The following CCNY variants were observed in gnomAD, a reference collection of about 807,000 sequenced individuals.
The protein encoded by CCNY is cyclin-Y.
A neutral mutation model predicts 42.8 loss-of-function variants in CCNY; 19 were observed. That is an observed-to-expected ratio of 0.44 (90% CI 0.31 to 0.65). The LOEUF (loss-of-function observed/expected upper bound fraction) is 0.65. CCNY is among the 30% of genes least tolerant of loss of function. CCNY has a pLI of 0.07. For missense variants in CCNY, 370 were observed against 437.3 expected (o/e 0.85, Z 1.37); for synonymous variants, 165 against 162.7 (o/e 1.01, Z -0.11).
chr10:35,304,191 A>G (rs1835573652), intron 3 of CCNY, among the ~76,000 whole-genome samples: 1 of 152,228 alleles, frequency 6.6e-6, no homozygotes, highest in Non-Finnish European at 1.5e-5. Flanking sequence ...CAGGTAGGTT[A>G]GAAATGGATT....
intron 8 of CCNY, among the ~76,000 whole-genome samples, chr10:35,563,111 C>T (rs1841498480): frequency 6.6e-6 from 1 of 152,086 alleles, no homozygotes; most frequent in South Asian, 2.1e-4. Flanking sequence ...TAATTTATCA[C>T]ATAGCAAGCT....
intron 2 of CCNY, among the ~76,000 whole-genome samples, chr10:35,495,639 A>G (rs534563808): frequency 2.4e-4 from 37 of 152,328 alleles, no homozygotes; most frequent in African/African-American, 8.2e-4. Flanking sequence ...CAGGTCCTGG[A>G]CAGTTCAGAG....
chr10:35,291,341 G>A (rs1389531013), intron 3 of CCNY, among the ~76,000 whole-genome samples: 1 of 151,840 alleles, frequency 6.6e-6, no homozygotes, highest in Non-Finnish European at 1.5e-5. Context: ...CTTTCACTTA[G>A]CATGATGTTT....
chr10:35,294,081 C>T (rs1031039675), intron 3 of CCNY, among the ~76,000 whole-genome samples: 1 of 152,162 alleles, frequency 6.6e-6, no homozygotes, highest in African/African-American at 2.4e-5. Context: ...TGAGCCACTG[C>T]GTCTGGCACA....
chr10:35,474,993 G>A (rs541887056), intron 1 of CCNY, among the ~76,000 whole-genome samples: 4 of 152,298 alleles, frequency 2.6e-5, no homozygotes, highest in Admixed American at 2.6e-4. Context: ...AGAACTACGT[G>A]AAGAATGCAG....
At chr10:35,344,927 A>G (rs1836266766) in intron 1 of CCNY, among the ~76,000 whole-genome samples, 1 of 152,232 alleles carries the variant, frequency 6.6e-6, no homozygotes, top group Admixed American at 6.5e-5. Context: ...ATGGCTGCAT[A>G]GTATTCCCTG....
intron 7 of CCNY, among the ~76,000 whole-genome samples, chr10:35,541,259 T>C (rs1242037705): frequency 6.6e-6 from 1 of 152,134 alleles, no homozygotes; most frequent in African/African-American, 2.4e-5. Flanking sequence ...ACATAAAAAT[T>C]GTGAAGAAAG....
In CCNY at chr10:35,539,138, T is replaced by C. The variant is rs114771979; in HGVS notation, c.579+8895T>C. 7.6e-3 allele frequency among the ~76,000 whole-genome samples: 1,160 copies of C among 152,350 alleles called. 13 individuals carry two copies. The highest frequency in any genetic ancestry group is 0.027 in the African/African-American group (1,109 of 41,564). The stretch of plus-strand genomic sequence containing the variant: ...ATCTATATGTATTTCCTTATATCAG[T>C]ACTACACTATCTTGATTACCATAGA... On this transcript the variant is annotated intron_variant, in intron 7 of 9. Transcript: ENST00000374704.
chr10:35,509,563 ACTGTGCCTAAC>A (rs1479017113), intron 3 of CCNY, among the ~76,000 whole-genome samples: 1 of 152,208 alleles, frequency 6.6e-6, no homozygotes, highest in African/African-American at 2.4e-5. Context: ...GCCATGAGCC[ACTGTGCCTAAC>A]CTGTACCTTC....
At chr10:35,399,474 A>G (rs1289548214) in intron 1 of CCNY, among the ~76,000 whole-genome samples, 4 of 152,210 alleles carry the variant, frequency 2.6e-5, no homozygotes, top group African/African-American at 9.7e-5. Flanking sequence ...CCTGCCTGCC[A>G]GGTGGCCGAC....
chr10:35,350,490 A>T (rs991671191), intron 1 of CCNY, among the ~76,000 whole-genome samples: 3 of 152,132 alleles, frequency 2.0e-5, no homozygotes, highest in Admixed American at 1.3e-4. Flanking sequence ...ACATTTTCTG[A>T]CAGTGTGTAG....
At chr10:35,567,597 T>C (rs1248252282) in intron 9 of CCNY, among the ~76,000 whole-genome samples, 1 of 152,166 alleles carries the variant, frequency 6.6e-6, no homozygotes, top group Non-Finnish European at 1.5e-5. Flanking sequence ...AGGTGGGATG[T>C]TGTCACTCAG....
intron 3 of CCNY, among the ~76,000 whole-genome samples, chr10:35,509,466 G>A (rs1292691746): frequency 6.6e-6 from 1 of 152,096 alleles, no homozygotes; most frequent in African/African-American, 2.4e-5. Flanking sequence ...AATAGAGACG[G>A]GGTTTCACCA....
At chr10:35,568,382 T>G (rs902350930) in intron 9 of CCNY, among the ~76,000 whole-genome samples, 1 of 152,176 alleles carries the variant, frequency 6.6e-6, no homozygotes, top group Admixed American at 6.5e-5. Flanking sequence ...GGGCTCAGCT[T>G]TTACCATCAG....
chr10:35,529,239 T>TG (rs1317743874), intron 5 of CCNY, among the ~76,000 whole-genome samples: 1 of 152,208 alleles, frequency 6.6e-6, no homozygotes, highest in Non-Finnish European at 1.5e-5. Context: ...GTAGTGACGT[T>TG]GCGTGTTGTG....
chr10:35,517,735 T>C (rs1840459360), intron 4 of CCNY, among the ~76,000 whole-genome samples: 1 of 152,104 alleles, frequency 6.6e-6, no homozygotes, highest in South Asian at 2.1e-4. Flanking sequence ...AGCACCGGAG[T>C]GCACGGGAAG....
intron 1 of CCNY, among the ~76,000 whole-genome samples, chr10:35,340,335 T>C (rs901311542): frequency 2.0e-5 from 3 of 152,138 alleles, no homozygotes; most frequent in Non-Finnish European, 4.4e-5. Context: ...GCAGCAGTTA[T>C]TCAGTCCAGA....
intron 3 of CCNY, among the ~76,000 whole-genome samples, chr10:35,294,614 T>G (rs1422337395): frequency 6.6e-6 from 1 of 152,250 alleles, no homozygotes; most frequent in Non-Finnish European, 1.5e-5. Context: ...TAAATCCCAC[T>G]TGGCCATGAG....
intron 1 of CCNY, among the ~76,000 whole-genome samples, chr10:35,380,280 T>G (rs943740359): frequency 4.6e-5 from 7 of 152,338 alleles, no homozygotes; most frequent in Admixed American, 3.3e-4. Flanking sequence ...TGTGAAACAT[T>G]GATTATGCAG....
Sources: allele counts gnomAD v4.1 joint callset (sites outside exome capture counted in the v4.1 genomes callset), GRCh38; gene constraint gnomAD v4.1.1; transcripts MANE v1.5; gene names NCBI Gene and HGNC (gene_info 2026-07-23, HGNC 2026-07-21).